LZTR1: variants seen among roughly 807,000 people sequenced by gnomAD.
LZTR1 encodes the protein leucine zipper like post translational regulator 1.
LZTR1 carries 260 observed loss-of-function variants against 105.7 expected under a neutral mutation model. The observed-to-expected ratio is 2.46, with a 90% confidence interval of 2.22 to 2.72. The LOEUF is 2.72. LZTR1 is among the 30% of genes most tolerant of loss of function. The pLI, the probability that LZTR1 is intolerant of heterozygous loss-of-function variation, is 0.00. For synonymous variants in LZTR1, 490 were observed against 476.4 expected (o/e 1.03, Z -0.37); for missense variants, 1,214 against 1,166.9 (o/e 1.04, Z -0.59).
intron 16 of LZTR1, chr22:20,995,286 C>T: frequency 4.4e-6 from 3 of 678,268 alleles, no homozygotes; most frequent in Non-Finnish European, 8.2e-6. Flanking sequence ...TGGGGCACCT[C>T]TTTCGGGCTA....
At position 20,995,740 on chromosome 22, in the gene LZTR1, C is replaced by T; in HGVS notation, c.1943-6C>T. ...TGTACCTGCTCAGGGACCCTCCTAC[C>T]CCCAGGCACATCTCTGATCCAGGAC... is the stretch of plus-strand genomic sequence containing the variant. On this transcript the variant is annotated splice_polypyrimidine_tract_variant and splice_region_variant and intron_variant, in intron 16 of 20. Coordinates refer to ENST00000646124, the MANE Select transcript of LZTR1 (RefSeq NM_006767.4). The T allele has an allele frequency of 6.2e-7, 1 of 1,613,454 alleles. No individual in the cohort carries two copies. Among genetic ancestry groups the T allele is most frequent in the South Asian group, 1.1e-5 (1 of 91,092 alleles).
In LZTR1 at chr22:20,997,421, T is replaced by C. The variant is rs1200163653; in HGVS notation, c.*73T>C. On this transcript the variant is annotated 3_prime_UTR_variant, in exon 21 of 21. Coordinates refer to ENST00000646124, the MANE Select transcript of LZTR1 (RefSeq NM_006767.4). ...CCTGCCTACTGAGAAGACTACCGGC[T>C]ATGCGCATGCCTATGGCAGTGGGTG... 5 of 1,133,136 alleles carry C rather than the reference T, an allele frequency of 4.4e-6. No homozygotes were observed. Among genetic ancestry groups the C allele is most frequent in the Non-Finnish European group, 5.3e-6 (4 of 748,534 alleles). The allele number at this position is 1,133,136 out of a possible 1,614,324, so 70.2% of individuals were successfully genotyped here. A position where few individuals can be genotyped will look rare whatever the true frequency, so the allele number is the denominator to read the frequency against.
At chr22:20,996,240 T>C (rs1300888939) in intron 18 of LZTR1, 128 bp downstream of exon 18, 4 of 1,051,514 alleles carry the variant, frequency 3.8e-6, no homozygotes, top group Non-Finnish European at 5.5e-6. Flanking sequence ...CTCCAGAGGG[T>C]TTGCTGGTGC....
chr22:20,983,944 CCCAAGT>C (rs1924286681), intron 2 of LZTR1, among the ~76,000 whole-genome samples: 1 of 152,220 alleles, frequency 6.6e-6, no homozygotes, highest in Admixed American at 6.5e-5. Context: ...TGAGTAAAAG[CCCAAGT>C]CCTCATGAGA....
In LZTR1 at chr22:20,993,921, CAGA is replaced by C. The variant is rs1376105847; in HGVS notation, c.1354_1356del (p.Lys452del). The C allele has an allele frequency of 1.9e-6, 3 of 1,611,004 alleles. No individual in the cohort carries two copies. In the African/African-American group the frequency reaches 4.0e-5, roughly 21 times the overall value. ...CTCTGCCAGTGCATCATTCTTTGTG[CAGA>C]AGGAGGAGTGCGTGCAGGGCCACGT... On this transcript the variant is annotated splice_acceptor_variant and coding_sequence_variant, in exon 13 of 21. Coordinates refer to ENST00000646124, the MANE Select transcript of LZTR1 (RefSeq NM_006767.4). LOFTEE classifies it high-confidence loss of function.
At chr22:20,997,127 G>A (rs752690327) in intron 20 of LZTR1, 105 bp from the exon 21 acceptor site, 9 of 1,123,568 alleles carry the variant, frequency 8.0e-6, no homozygotes, top group African/African-American at 3.1e-5. Flanking sequence ...TCATCCTTGG[G>A]ACCAGCCTGA....
rs150419186 is a variant in LZTR1 at position 20,989,659 on chromosome 22, C to G, written c.628C>G (p.Arg210Gly). ...NDMWTIGLQDRELTCWEEVAQ... is the reference protein window; with the variant it reads ...NDMWTIGLQDGELTCWEEVAQ... ...CATGTGGACAATTGGCCTCCAGGACCGAGAGCTCACCTGCTGGGAGGAGGT... is the reference window on the plus strand; with the variant it reads ...CATGTGGACAATTGGCCTCCAGGACGGAGAGCTCACCTGCTGGGAGGAGGT... Residue 210 changes from arginine (R) to glycine (G), a missense_variant, in exon 7 of 21, where the codon CGA becomes GGA. Arg to Gly is a moderately radical substitution (Grantham distance 125, BLOSUM62 -2). Coordinates refer to ENST00000646124, the MANE Select transcript of LZTR1 (RefSeq NM_006767.4). The G allele has an allele frequency of 6.2e-6, 10 of 1,613,116 alleles. No individual in the cohort carries two copies. Among genetic ancestry groups the G allele is most frequent in the Non-Finnish European group, 7.6e-6 (9 of 1,179,878 alleles).
rs778001313 is a variant in LZTR1, at chr22:20,991,660, G to A, written c.824G>A (p.Arg275Gln). Residue 275 changes from arginine to glutamine, a missense_variant, in exon 9 of 21, where the codon CGG becomes CAG. By Grantham distance (43) the Arg-to-Gln change is conservative. Coordinates refer to ENST00000646124, the MANE Select transcript of LZTR1 (RefSeq NM_006767.4). ...WTRIPTEHLL[R>Q]GSPPPPQRRY... ...CGCATCCCAACTGAACACCTGCTCCGGGGCTCCCCACCACCCCCGCAGCGG... is the reference window on the plus strand; with the variant it reads ...CGCATCCCAACTGAACACCTGCTCCAGGGCTCCCCACCACCCCCGCAGCGG... 24 of 1,602,064 alleles carry A rather than the reference G, an allele frequency of 1.5e-5. No homozygotes were observed. The highest frequency in any genetic ancestry group is 8.0e-5 in the African/African-American group (6 of 74,818).
rs370009707 is a variant in LZTR1 at position 20,996,741 on chromosome 22, G to T, written c.2265G>T (p.Arg755=). ...ACTACTACGGCTTCTACAACAACCG[G>T]CTGCAGGCGTACTGCAAGCAGAACC... ...APYYYGFYNN[R]LQAYCKQNLE... Residue 755 remains arginine (R), a synonymous_variant, in exon 19 of 21, where the codon CGG becomes CGT. Coordinates refer to ENST00000646124, the MANE Select transcript of LZTR1 (RefSeq NM_006767.4). 69 of 1,613,396 alleles carry T rather than the reference G, an allele frequency of 4.3e-5. No individual in the cohort carries two copies. Among genetic ancestry groups the T allele is most frequent in the Non-Finnish European group, 5.8e-5 (68 of 1,180,016 alleles).
chr22:20,991,553 G>T, intron 8 of LZTR1, 75 bp from the exon 9 acceptor site: 1 of 1,195,520 alleles, frequency 8.4e-7, no homozygotes. Flanking sequence ...TCCCAGTGAA[G>T]GCCTGCTGTG....
chr22:20,992,970 C>A, intron 11 of LZTR1, 66 bp downstream of exon 11: 1 of 1,134,826 alleles, frequency 8.8e-7, no homozygotes, highest in Admixed American at 2.2e-5. Flanking sequence ...GAAACTGAGG[C>A]CAAGTTGGGG....
Position 20,996,788 on chromosome 22 carries a change from A to G in LZTR1, c.2312A>G (p.Gln771Arg), listed in dbSNP as rs766983171. 1.4e-5 allele frequency: 22 copies of G among 1,613,674 alleles called. No individual in the cohort carries two copies. The highest frequency in any genetic ancestry group is 1.7e-5 in the Non-Finnish European group (20 of 1,179,998). ...AACCTGGAGATGAACGTGACGGTGC[A>G]GAACGTGCTGCAGGTAGCCCCCCAG... ...KQNLEMNVTV[Q>R]NVLQILEAAD... The change falls in exon 19 of 21, where the codon CAG becomes CGG. Residue 771 changes from glutamine (Q) to arginine (R), a missense_variant. Gln to Arg is a conservative substitution (Grantham distance 43, BLOSUM62 1). Coordinates refer to ENST00000646124, the MANE Select transcript of LZTR1 (RefSeq NM_006767.4).
intron 3 of LZTR1, chr22:20,986,361 A>G (rs1480649614): frequency 6.4e-6 from 1 of 156,252 alleles, no homozygotes; most frequent in Non-Finnish European, 1.4e-5. Context: ...CTGTCTAGGA[A>G]GATAGATAGA....
At position 20,997,384 on chromosome 22, in the gene LZTR1, GTGCC is replaced by G; in HGVS notation, c.*45_*48del. On this transcript the variant is annotated 3_prime_UTR_variant, in exon 21 of 21. Transcript: ENST00000646124. ...CGCCTGCCCATTGTGAAGAATCGCC[GTGCC>G]TGCCTGCCCTGCCTACTGAGAAGAC... The G allele has an allele frequency of 6.8e-7, 1 of 1,460,634 alleles. No homozygotes were observed. Among genetic ancestry groups the G allele is most frequent in the Non-Finnish European group, 9.6e-7 (1 of 1,041,270 alleles). 90.5% of individuals were successfully genotyped at this position (1,460,634 alleles called of 1,614,324 possible). A position where few individuals can be genotyped will look rare whatever the true frequency, so the allele number is the denominator to read the frequency against.
At chr22:20,994,806 G>A in intron 15 of LZTR1, 64 bp from the exon 16 acceptor site, 1 of 1,609,020 alleles carries the variant, frequency 6.2e-7, no homozygotes, top group Non-Finnish European at 8.5e-7. Context: ...ACCACTGTGA[G>A]CCCCTCGCCC....
chr22:20,986,054 G>A (rs1924368980), intron 3 of LZTR1, 157 bp downstream of exon 3: 1 of 736,190 alleles, frequency 1.4e-6, no homozygotes, highest in Non-Finnish European at 2.2e-6. Flanking sequence ...CACATCCAGA[G>A]CCGCCCTGTC....
At chr22:20,984,032 G>A (rs1486568043) in intron 2 of LZTR1, among the ~76,000 whole-genome samples, 1 of 152,184 alleles carries the variant, frequency 6.6e-6, no homozygotes, top group African/African-American at 2.4e-5. Context: ...TGTTTGGATT[G>A]TACCAAGTGC....
chr22:20,994,570 A>G lies in LZTR1; in HGVS notation c.1628A>G (p.Asp543Gly). The change falls in exon 15 of 21, where the codon GAT (aspartate) becomes GGT (glycine). Residue 543 changes from aspartate (D) to glycine (G), a missense_variant. Asp to Gly is a moderately conservative substitution (Grantham distance 94). Coordinates refer to ENST00000646124, the MANE Select transcript of LZTR1 (RefSeq NM_006767.4). The part of the protein sequence containing the change: ...IKYPRKGHVE[D>G]VLLIMDVYKL... ...CTCTGGGGCGCAGGCCATGTGGAGG[A>G]TGTGCTGCTCATCATGGATGTGTAC... 1.2e-6 allele frequency: 2 copies of G among 1,610,530 alleles called. No individual in the cohort carries two copies. Among genetic ancestry groups the G allele is most frequent in the East Asian group, 2.2e-5 (1 of 44,864 alleles).
rs1924818930 is a variant in LZTR1 at position 20,995,827 on chromosome 22, G to T, written c.2024G>T (p.Gly675Val). ...TGTGACATCACTCTGTTGCTTGACG[G>T]GCACCCACGGCCAGCCCACAAGGCT... ...EFCDITLLLD[G>V]HPRPAHKAIL... The change falls in exon 17 of 21, where the codon GGG becomes GTG. Residue 675 changes from glycine to valine, a missense_variant. Coordinates refer to ENST00000646124, the MANE Select transcript of LZTR1 (RefSeq NM_006767.4). The T allele has an allele frequency of 6.2e-7, 1 of 1,613,262 alleles. No homozygotes were observed. The highest frequency in any genetic ancestry group is 1.1e-5 in the South Asian group (1 of 91,078).
Sources: gnomAD v4.1 joint callset for allele counts (sites outside exome capture counted in the v4.1 genomes callset) on GRCh38, gnomAD v4.1.1 for gene constraint, MANE v1.5 for transcripts, NCBI Gene and HGNC (gene_info 2026-07-23, HGNC 2026-07-21) for gene names.